ZC3HC1: variants seen among roughly 807,000 people sequenced by gnomAD.
The protein encoded by ZC3HC1 is zinc finger C3HC-type protein 1.
In ZC3HC1, 38 loss-of-function variants were observed where a neutral mutation model predicts 61.9. That is an observed-to-expected ratio of 0.61 (90% CI 0.47 to 0.81). The LOEUF (loss-of-function observed/expected upper bound fraction) is 0.81, where lower values mean the gene tolerates loss of function less well. Ranked by LOEUF, ZC3HC1 falls within the 30% of genes least tolerant of loss-of-function variation. The pLI is 0.00. For missense variants in ZC3HC1, 554 were observed against 622.7 expected (o/e 0.89, Z 1.17); for synonymous variants, 213 against 229.9 (o/e 0.93, Z 0.67).
chr7:130,018,416 T>C lies in ZC3HC1; in HGVS notation c.*248A>G, dbSNP rs551609068. ...GTCCTTAGTCTTCCTTCTAGTCTGTTAATCCCACACTCCTTTAACAGAACC... is the reference window on the plus strand; with the variant it reads ...GTCCTTAGTCTTCCTTCTAGTCTGTCAATCCCACACTCCTTTAACAGAACC... On this transcript the variant is annotated 3_prime_UTR_variant, in exon 10 of 10. Coordinates refer to ENST00000358303, the MANE Select transcript of ZC3HC1 (RefSeq NM_016478.5). The C allele has an allele frequency of 9.2e-6, 4 of 435,612 alleles. No individual in the cohort carries two copies. Among genetic ancestry groups the C allele is most frequent in the Non-Finnish European group, 1.7e-5 (4 of 241,840 alleles). 27.0% of individuals were successfully genotyped at this position (435,612 alleles called of 1,614,324 possible). A position where few individuals can be genotyped will look rare whatever the true frequency, so the allele number is the denominator to read the frequency against.
At chr7:130,025,870 C>CAAAAA (rs71175064) in intron 6 of ZC3HC1, among the ~76,000 whole-genome samples, 4 of 58,568 alleles carry the variant, frequency 6.8e-5, no homozygotes, top group Non-Finnish European at 1.1e-4. Context: ...GACTCCGTCT[C>CAAAAA]AAAAAAAAAA....
chr7:130,019,565 G>A (rs1212870535), intron 9 of ZC3HC1, among the ~76,000 whole-genome samples: 3 of 152,124 alleles, frequency 2.0e-5, no homozygotes, highest in African/African-American at 2.4e-5. Flanking sequence ...AGGAAGAATC[G>A]CAGTGCCATC....
intron 5 of ZC3HC1, chr7:130,026,907 T>C (rs986535357): frequency 6.6e-6 from 1 of 150,400 alleles, no homozygotes; most frequent in African/African-American, 2.5e-5. Flanking sequence ...GAGGCGGAGC[T>C]TGCAGTGAGC....
chr7:130,029,060 T>C, intron 4 of ZC3HC1, 31 bp from the exon 5 acceptor site: 1 of 1,595,980 alleles, frequency 6.3e-7, no homozygotes, highest in South Asian at 1.1e-5. Context: ...AAGATTATAT[T>C]GGTGTAAACT....
intron 5 of ZC3HC1, among the ~76,000 whole-genome samples, chr7:130,028,693 G>T (rs1252082343): frequency 6.6e-6 from 1 of 151,984 alleles, no homozygotes; most frequent in Non-Finnish European, 1.5e-5. Context: ...ATGTTAAATT[G>T]AATCTATGCC....
intron 5 of ZC3HC1, 73 bp downstream of exon 5, chr7:130,028,829 T>G: frequency 6.4e-7 from 1 of 1,554,290 alleles, no homozygotes; most frequent in Non-Finnish European, 8.7e-7. Flanking sequence ...CTTCTTGTCA[T>G]TAAAAGAAAT....
intron 2 of ZC3HC1, among the ~76,000 whole-genome samples, chr7:130,048,523 T>G (rs564950932): frequency 1.3e-5 from 2 of 152,210 alleles, no homozygotes; most frequent in South Asian, 4.1e-4. Flanking sequence ...CACTAAGTTT[T>G]GGGGCAATTT....
intron 2 of ZC3HC1, among the ~76,000 whole-genome samples, chr7:130,047,858 T>G (rs1352984047): frequency 6.6e-6 from 1 of 152,204 alleles, no homozygotes; most frequent in Admixed American, 6.6e-5. Flanking sequence ...TTGCTTCTAA[T>G]GCATAAAATA....
chr7:130,024,894 C>CT (rs544256735), intron 6 of ZC3HC1, among the ~76,000 whole-genome samples: 9 of 37,052 alleles, frequency 2.4e-4, no homozygotes, highest in African/African-American at 5.0e-4. Context: ...TCCTGTCCCT[C>CT]TTTTTTTTTT....
rs187068816 is a variant in ZC3HC1 at position 130,040,682 on chromosome 7, G to A, written c.409+269C>T. ...AATTAGCCAGGTGTAGTGGCACTGC[G>A]CCTGTAGTCCCAGCTACTTGGGAGG... On this transcript the variant is annotated intron_variant, in intron 3 of 9. Transcript: ENST00000358303. Among the ~76,000 whole-genome samples, 36 of 148,932 alleles carry A rather than the reference G, an allele frequency of 2.4e-4. 2 individuals carry two copies. Among genetic ancestry groups the A allele is most frequent in the Admixed American group, 1.8e-3 (27 of 14,924 alleles).
At chr7:130,047,001 C>T (rs1043721033) in intron 2 of ZC3HC1, among the ~76,000 whole-genome samples, 5 of 151,970 alleles carry the variant, frequency 3.3e-5, no homozygotes, top group African/African-American at 9.7e-5. Context: ...TCATTCCTGT[C>T]GCCCAGGCTG....
intron 2 of ZC3HC1, chr7:130,043,781 G>A (rs1794767670): frequency 2.2e-6 from 1 of 445,974 alleles, no homozygotes; most frequent in Admixed American, 2.5e-5. Flanking sequence ...CAAGTGTGGA[G>A]TGCTAGGACC....
At chr7:130,028,163 CAAAAAAAAAAAAAAAAAAAAAAAA>C (rs58430072) in intron 5 of ZC3HC1, among the ~76,000 whole-genome samples, 2,033 of 34,204 alleles carry the variant, frequency 0.059, 93 homozygotes, top group Middle Eastern at 0.15. Flanking sequence ...GACTCTGTCT[CAAAAAAAAAAAAAAAAAAAAAAAA>C]AAAAAAAAAA....
chr7:130,041,779 G>A (rs1277327004), intron 2 of ZC3HC1, among the ~76,000 whole-genome samples: 2 of 151,860 alleles, frequency 1.3e-5, no homozygotes, highest in Non-Finnish European at 2.9e-5. Context: ...CACCCACCTC[G>A]GCCTCCCAAA....
chr7:130,039,622 C>G (rs915577071), intron 3 of ZC3HC1, 75 bp from the exon 4 acceptor site: 13 of 1,015,766 alleles, frequency 1.3e-5, no homozygotes, highest in Admixed American at 2.8e-5. Context: ...CCTCTAAGAG[C>G]AGAGATTTAA....
Position 130,024,284 on chromosome 7 carries a change from A to G in ZC3HC1, c.999T>C (p.Thr333=). 1.9e-6 allele frequency: 3 copies of G among 1,611,040 alleles called. No individual in the cohort carries two copies. The highest frequency in any genetic ancestry group is 2.5e-6 in the Non-Finnish European group (3 of 1,178,008). The change falls in exon 7 of 10, where the codon ACT becomes ACC. Residue 333 remains threonine (T), a synonymous_variant. Transcript: ENST00000358303. ...RRMMTRSQDA[T]FSPGSEQAEK... ...ATACCTGCTCTGAGCCTGGGGAGAA[A>G]GTGGCATCCTGGCTCCGGGTCATCA...
chr7:130,029,003 C>T lies in ZC3HC1; in HGVS notation c.520G>A (p.Glu174Lys). 6.2e-7 allele frequency: 1 copy of T among 1,613,514 alleles called. No individual in the cohort carries two copies. The highest frequency in any genetic ancestry group is 1.3e-5 in the African/African-American group (1 of 75,018). Residue 174 changes from glutamate (E) to lysine (K), a missense_variant, in exon 5 of 10, where the codon GAG (glutamate) becomes AAG (lysine). Glu to Lys is a moderately conservative substitution (Grantham distance 56). Coordinates refer to ENST00000358303, the MANE Select transcript of ZC3HC1 (RefSeq NM_016478.5). ...AATTCACTAACAAGAATAGCAGGCTCATCCAGGGGCAACATCCCAAATCGG... is the reference window on the plus strand; with the variant it reads ...AATTCACTAACAAGAATAGCAGGCTTATCCAGGGGCAACATCCCAAATCGG... ...PDRFGMLPLD[E>K]PAILVSEFLD...
chr7:130,039,432 A>C, intron 4 of ZC3HC1, 32 bp downstream of exon 4: 1 of 1,557,458 alleles, frequency 6.4e-7, no homozygotes. Flanking sequence ...ATGAAGGAAA[A>C]ATGGTGAACA....
At chr7:130,044,489 G>A (rs752168929) in intron 2 of ZC3HC1, among the ~76,000 whole-genome samples, 2 of 152,180 alleles carry the variant, frequency 1.3e-5, no homozygotes, top group Admixed American at 6.5e-5. Context: ...GGCCACAGAA[G>A]CCAACCTGAG....
Sources: gnomAD v4.1 joint callset for allele counts (sites outside exome capture counted in the v4.1 genomes callset) on GRCh38, gnomAD v4.1.1 for gene constraint, MANE v1.5 for transcripts, NCBI Gene and HGNC (gene_info 2026-07-23, HGNC 2026-07-21) for gene names.